The following CCDC7 variants were observed in gnomAD, a reference collection of about 807,000 sequenced individuals.
The protein encoded by CCDC7 is coiled-coil domain-containing protein 7.
Under a neutral mutation model 196.9 loss-of-function variants are expected in CCDC7, and 183 were observed. The observed-to-expected ratio is 0.93, with a 90% CI of 0.82 to 1.05. The LOEUF is 1.05. Ranked by LOEUF, CCDC7 falls within the 50% of genes least tolerant of loss-of-function variation. CCDC7 has a pLI of 0.00. For synonymous variants in CCDC7, 525 were observed against 484.6 expected (o/e 1.08, Z -1.10); for missense variants, 1,540 against 1,482.2 (o/e 1.04, Z -0.64).
chr10:32,714,250 G>A (rs1591954088), intron 25 of CCDC7, among the ~76,000 whole-genome samples: 1 of 152,300 alleles, frequency 6.6e-6, no homozygotes, highest in East Asian at 1.9e-4. Context: ...CTCAAGGAGG[G>A]CGAGCAGAAG....
At chr10:32,506,846 TAGAA>T (rs955099648) in intron 9 of CCDC7, among the ~76,000 whole-genome samples, 4 of 151,514 alleles carry the variant, frequency 2.6e-5, no homozygotes, top group Admixed American at 2.0e-4. Flanking sequence ...AGGGAGACCG[TAGAA>T]AGAAAGGGGA....
At chr10:32,638,056 C>T (rs1035715986) in intron 20 of CCDC7, among the ~76,000 whole-genome samples, 1 of 152,124 alleles carries the variant, frequency 6.6e-6, no homozygotes, top group Non-Finnish European at 1.5e-5. Context: ...TATGAGAATG[C>T]TTGTGATTTT....
intron 9 of CCDC7, among the ~76,000 whole-genome samples, chr10:32,501,587 A>G (rs757761963): frequency 6.6e-6 from 1 of 152,118 alleles, no homozygotes; most frequent in Non-Finnish European, 1.5e-5. Flanking sequence ...TGTTCTTTCT[A>G]ACAGACCCCT....
chr10:32,494,113 A>G (rs949052467), intron 9 of CCDC7, among the ~76,000 whole-genome samples: 2 of 152,104 alleles, frequency 1.3e-5, no homozygotes, highest in East Asian at 1.9e-4. Flanking sequence ...AATCTTTTCC[A>G]AGACCAATGT....
At chr10:32,743,222 T>A (rs761185535) in intron 28 of CCDC7, among the ~76,000 whole-genome samples, 23 of 152,186 alleles carry the variant, frequency 1.5e-4, no homozygotes, top group Non-Finnish European at 2.5e-4. Context: ...GGTTTAGTTT[T>A]TAAGAAACAG....
upstream of CCDC7, among the ~76,000 whole-genome samples, chr10:32,450,197 A>G (rs2032659122): frequency 6.6e-6 from 1 of 152,160 alleles, no homozygotes; most frequent in Non-Finnish European, 1.5e-5. Flanking sequence ...AGAATCTTTC[A>G]TTGGTTTTTA....
At chr10:32,710,550 C>A (rs1349505404) in intron 24 of CCDC7, among the ~76,000 whole-genome samples, 4 of 152,172 alleles carry the variant, frequency 2.6e-5, no homozygotes, top group Non-Finnish European at 4.4e-5. Context: ...CCCTCAGAAC[C>A]AAAAAGCTTA....
At chr10:32,561,756 C>T (rs532310192) in intron 13 of CCDC7, among the ~76,000 whole-genome samples, 2 of 152,100 alleles carry the variant, frequency 1.3e-5, no homozygotes, top group African/African-American at 4.8e-5. Context: ...AAAGCAAGAG[C>T]AAACACATTC....
chr10:32,657,539 G>C (rs1213956628), intron 20 of CCDC7, among the ~76,000 whole-genome samples: 1 of 152,248 alleles, frequency 6.6e-6, no homozygotes, highest in African/African-American at 2.4e-5. Flanking sequence ...TTTCAGGAAT[G>C]GCTGGAGGTG....
intron 28 of CCDC7, among the ~76,000 whole-genome samples, chr10:32,761,338 C>A (rs2077438763): frequency 1.3e-5 from 2 of 151,970 alleles, no homozygotes; most frequent in African/African-American, 4.8e-5. Flanking sequence ...ACAAAGAGAG[C>A]ACTGATACCG....
intron 32 of CCDC7, among the ~76,000 whole-genome samples, chr10:32,829,442 A>G (rs2091863255): frequency 1.3e-5 from 2 of 152,248 alleles, no homozygotes; most frequent in African/African-American, 4.8e-5. Flanking sequence ...TTGTGCATGT[A>G]TACACTTGTA....
At chr10:32,724,583 G>A (rs1220150446) in intron 25 of CCDC7, among the ~76,000 whole-genome samples, 1 of 152,032 alleles carries the variant, frequency 6.6e-6, no homozygotes, top group Admixed American at 6.6e-5. Context: ...TCACTGCCAT[G>A]GGAACCCCAA....
chr10:32,608,785 C>T (rs1392695132), intron 18 of CCDC7, among the ~76,000 whole-genome samples: 1 of 152,196 alleles, frequency 6.6e-6, no homozygotes, highest in Non-Finnish European at 1.5e-5. Flanking sequence ...AAGTGATCCT[C>T]CCGCCTCAAC....
chr10:32,527,640 C>T (rs1232232500), intron 11 of CCDC7, among the ~76,000 whole-genome samples: 1 of 152,172 alleles, frequency 6.6e-6, no homozygotes, highest in Non-Finnish European at 1.5e-5. Context: ...AATGACTTTA[C>T]CTTCTCTTGT....
chr10:32,772,618 C>A (rs1227558556), intron 28 of CCDC7, among the ~76,000 whole-genome samples: 1 of 152,234 alleles, frequency 6.6e-6, no homozygotes, highest in African/African-American at 2.4e-5. Flanking sequence ...AACACCTGAA[C>A]TTTTTGACTG....
At chr10:32,639,225 C>T (rs559476867) in intron 20 of CCDC7, among the ~76,000 whole-genome samples, 1 of 152,216 alleles carries the variant, frequency 6.6e-6, no homozygotes, top group Admixed American at 6.5e-5. Context: ...TTTTGGGTCT[C>T]TATTTCCTTC....
chr10:32,681,814 T>G (rs949416014), intron 21 of CCDC7, among the ~76,000 whole-genome samples: 2 of 151,494 alleles, frequency 1.3e-5, no homozygotes, highest in Non-Finnish European at 2.9e-5. Flanking sequence ...CATACATATA[T>G]ATGTGCATAT....
chr10:32,566,398 T>C (rs1201408283), intron 14 of CCDC7, among the ~76,000 whole-genome samples: 2 of 152,200 alleles, frequency 1.3e-5, no homozygotes, highest in South Asian at 2.1e-4. Flanking sequence ...TACAAGTATG[T>C]ACAATGTCAT....
intron 38 of CCDC7, 140 bp from the exon 40 acceptor site, chr10:32,848,456 G>T: frequency 1.6e-6 from 1 of 613,136 alleles, no homozygotes; most frequent in Non-Finnish European, 2.8e-6. Flanking sequence ...AGAAATTTAA[G>T]TAATAAACAA....
Sources: gnomAD v4.1 joint callset for allele counts (sites outside exome capture counted in the v4.1 genomes callset) on GRCh38, gnomAD v4.1.1 for gene constraint, MANE v1.5 for transcripts, NCBI Gene and HGNC (gene_info 2026-07-23, HGNC 2026-07-21) for gene names.